Variants in MINDY2 observed in about 807,000 individuals in gnomAD.
The protein encoded by MINDY2 is ubiquitin carboxyl-terminal hydrolase MINDY-2.
Under a neutral mutation model 68.2 loss-of-function variants are expected in MINDY2, and 52 were observed. The observed-to-expected ratio is 0.76, with a 90% CI of 0.61 to 0.96. The LOEUF is 0.96. Ranked by LOEUF, MINDY2 falls within the 40% of genes least tolerant of loss-of-function variation. MINDY2 has a pLI of 0.00. For synonymous variants in MINDY2, 372 were observed against 303.0 expected (o/e 1.23, Z -2.36); for missense variants, 881 against 773.4 (o/e 1.14, Z -1.65).
intron 3 of MINDY2, 73 bp downstream of exon 3, chr15:58,802,450 G>T (rs1902730210): frequency 2.0e-6 from 2 of 978,164 alleles, no homozygotes. Context: ...TTAGTAGCTG[G>T]CAGCATTTTT....
rs2032835970 is a variant in MINDY2, at chr15:58,851,940, C to T, written c.1712C>T (p.Ala571Val). Residue 571 changes from alanine to valine, a missense_variant, in exon 8 of 9, where the codon GCT becomes GTT. Coordinates refer to ENST00000559228, the MANE Select transcript of MINDY2 (RefSeq NM_001040450.3). The part of the protein sequence containing the change: ...YQEQEQAAAA[A>V]AAASTQAQQG... The stretch of plus-strand genomic sequence containing the variant: ...GAACAGGAACAAGCAGCAGCTGCTG[C>T]TGCTGCTGCTTCTACACAGGCTCAG... The T allele has an allele frequency of 6.3e-7, 1 of 1,587,184 alleles. No homozygotes were observed. The highest frequency in any genetic ancestry group is 2.3e-5 in the East Asian group (1 of 44,398).
intron 2 of MINDY2, among the ~76,000 whole-genome samples, chr15:58,789,311 C>G (rs1248305783): frequency 6.6e-6 from 1 of 152,208 alleles, no homozygotes; most frequent in Admixed American, 6.5e-5. Flanking sequence ...GCACTCCAGC[C>G]TGGGCAACAG....
At chr15:58,839,888 A>G (rs1369479325) in intron 6 of MINDY2, among the ~76,000 whole-genome samples, 1 of 146,916 alleles carries the variant, frequency 6.8e-6, no homozygotes, top group East Asian at 2.0e-4. Context: ...GCTGGAGTGC[A>G]GTGGAGCAAT....
At chr15:58,807,897 C>G (rs1281890725) in intron 3 of MINDY2, among the ~76,000 whole-genome samples, 3 of 152,110 alleles carry the variant, frequency 2.0e-5, no homozygotes, top group Non-Finnish European at 2.9e-5. Context: ...TTGGAATGCT[C>G]TTTGCCCAGA....
rs542680906 is a variant in MINDY2, at chr15:58,791,072, C to T, written c.898+3109C>T. Among the ~76,000 whole-genome samples, 300 of 148,556 alleles carry T rather than the reference C, an allele frequency of 2.0e-3. 1 individual carries two copies. The highest frequency in any genetic ancestry group is 6.8e-3 in the Middle Eastern group (2 of 294). On this transcript the variant is annotated intron_variant, in intron 2 of 8. Coordinates refer to ENST00000559228, the MANE Select transcript of MINDY2 (RefSeq NM_001040450.3). ...GCGGGCACGTGTAGTCCCAACTACT[C>T]GGGAGGCTGAGGCAGGAGAATGGCT...
intron 2 of MINDY2, among the ~76,000 whole-genome samples, chr15:58,789,427 G>A (rs571755924): frequency 5.3e-5 from 8 of 152,078 alleles, no homozygotes; most frequent in African/African-American, 1.9e-4. Flanking sequence ...CAGACTTAGT[G>A]ATATAACTGA....
intron 6 of MINDY2, among the ~76,000 whole-genome samples, chr15:58,833,613 A>G (rs866366932): frequency 1.8e-4 from 28 of 152,170 alleles, no homozygotes; most frequent in African/African-American, 6.8e-4. Context: ...TGCATCATAA[A>G]CAAGGTAAAG....
intron 1 of MINDY2, among the ~76,000 whole-genome samples, chr15:58,782,494 C>T (rs1377526571): frequency 2.6e-5 from 4 of 152,182 alleles, no homozygotes; most frequent in Non-Finnish European, 1.5e-5. Flanking sequence ...TCTTCACTTG[C>T]CAAATTTCCA....
At chr15:58,805,237 G>T (rs549777371) in intron 3 of MINDY2, among the ~76,000 whole-genome samples, 1 of 151,602 alleles carries the variant, frequency 6.6e-6, no homozygotes, top group Admixed American at 6.5e-5. Context: ...TGTATGTCAA[G>T]CTTATATGGC....
chr15:58,810,157 C>G (rs2030128824), intron 3 of MINDY2, 73 bp from the exon 4 acceptor site: 1 of 1,297,190 alleles, frequency 7.7e-7, no homozygotes, highest in Non-Finnish European at 1.1e-6. Flanking sequence ...AGTAAATGTG[C>G]TTGTACTTGA....
intron 1 of MINDY2, among the ~76,000 whole-genome samples, chr15:58,779,740 G>A (rs535665245): frequency 3.2e-4 from 49 of 152,196 alleles, no homozygotes; most frequent in Non-Finnish European, 6.3e-4. Context: ...ATTAGAATTG[G>A]TGTTGTAACT....
chr15:58,804,811 A>T (rs1665028633), intron 3 of MINDY2, among the ~76,000 whole-genome samples: 1 of 152,048 alleles, frequency 6.6e-6, no homozygotes, highest in African/African-American at 2.4e-5. Context: ...GTTACAAAAA[A>T]AAAAAAGAAA....
chr15:58,777,738 G>A (rs1458641475), intron 1 of MINDY2, among the ~76,000 whole-genome samples: 1 of 152,014 alleles, frequency 6.6e-6, no homozygotes, highest in East Asian at 1.9e-4. Flanking sequence ...TTGTAATTTT[G>A]TTTACCTCTC....
intron 1 of MINDY2, 127 bp downstream of exon 1, chr15:58,772,362 T>C: frequency 1.4e-6 from 2 of 1,403,896 alleles, no homozygotes; most frequent in Middle Eastern, 1.9e-4. Context: ...TTACATGAAA[T>C]TCATTCCAAG....
intron 2 of MINDY2, among the ~76,000 whole-genome samples, chr15:58,794,361 G>GTA (rs1164860894): frequency 8.5e-6 from 1 of 118,002 alleles, no homozygotes; most frequent in African/African-American, 3.8e-5. Flanking sequence ...TTTTTGGGGT[G>GTA]TGTGTGTGTG....
At chr15:58,775,303 A>C (rs1156750420) in intron 1 of MINDY2, among the ~76,000 whole-genome samples, 1 of 152,126 alleles carries the variant, frequency 6.6e-6, no homozygotes, top group African/African-American at 2.4e-5. Flanking sequence ...CATTTTTAAG[A>C]CTGTAAAGGG....
intron 2 of MINDY2, among the ~76,000 whole-genome samples, chr15:58,794,212 G>A (rs1902120447): frequency 6.6e-6 from 1 of 152,088 alleles, no homozygotes. Flanking sequence ...AGGAAATGAT[G>A]TAAGTGTGTT....
intron 1 of MINDY2, 98 bp from the exon 2 acceptor site, chr15:58,787,808 A>G (rs1221669757): frequency 2.9e-6 from 2 of 683,322 alleles, no homozygotes; most frequent in East Asian, 3.0e-5. Context: ...AGTATAGTAG[A>G]TACATAATTA....
chr15:58,819,387 G>T (rs1280858274), intron 4 of MINDY2, among the ~76,000 whole-genome samples: 1 of 152,200 alleles, frequency 6.6e-6, no homozygotes, highest in Non-Finnish European at 1.5e-5. Context: ...GGTCGAGGCT[G>T]CAGTGGGCTG....
Sources: allele counts gnomAD v4.1 joint callset (sites outside exome capture counted in the v4.1 genomes callset), GRCh38; gene constraint gnomAD v4.1.1; transcripts MANE v1.5; gene names NCBI Gene and HGNC (gene_info 2026-07-23, HGNC 2026-07-21).